The following PPP6R1 variants were observed in gnomAD, a reference collection of about 807,000 sequenced individuals.
PPP6R1 encodes the protein serine/threonine-protein phosphatase 6 regulatory subunit 1.
A neutral mutation model predicts 104.6 loss-of-function variants in PPP6R1; 39 were observed. The observed-to-expected ratio is 0.37, with a 90% confidence interval of 0.29 to 0.49. The LOEUF (loss-of-function observed/expected upper bound fraction) is 0.49, where lower values mean the gene tolerates loss of function less well. Ranked by LOEUF, PPP6R1 falls within the 20% of genes least tolerant of loss-of-function variation. The pLI, the probability that PPP6R1 is intolerant of heterozygous loss-of-function variation, is 0.98. For missense variants in PPP6R1, 1,181 were observed against 1,155.8 expected (o/e 1.02, Z -0.32); for synonymous variants, 549 against 479.0 (o/e 1.15, Z -1.91).
At chr19:55,244,980 C>T (rs2087493606) in intron 5 of PPP6R1, 140 bp downstream of exon 5, 5 of 1,288,960 alleles carry the variant, frequency 3.9e-6, no homozygotes, top group African/African-American at 2.9e-5. Flanking sequence ...TCAAGTAATC[C>T]TCCCACCTCG....
At chr19:55,246,146 G>C (rs1483201503) in intron 2 of PPP6R1, among the ~76,000 whole-genome samples, 2 of 152,204 alleles carry the variant, frequency 1.3e-5, no homozygotes, top group Non-Finnish European at 2.9e-5. Flanking sequence ...TCAAGGCCCT[G>C]AGGGGCCACA....
chr19:55,238,307 G>A (rs770061405), intron 15 of PPP6R1, among the ~76,000 whole-genome samples: 3 of 152,202 alleles, frequency 2.0e-5, no homozygotes, highest in Non-Finnish European at 2.9e-5. Flanking sequence ...GCCAACACAG[G>A]ATATCACGTC....
Position 55,242,490 on chromosome 19 carries a change from TG to T in PPP6R1, c.619-3del, listed in dbSNP as rs1478213059. On this transcript the variant is annotated splice_region_variant and splice_polypyrimidine_tract_variant and intron_variant, in intron 5 of 23. Transcript: ENST00000412770. ...GGACTGGGATGCGTTGGAATGTTGCTGGAACGGGGAGAGACAGGTGAGGATC... is the reference window on the plus strand; with the variant it reads ...GGACTGGGATGCGTTGGAATGTTGCTGAACGGGGAGAGACAGGTGAGGATC... The T allele has an allele frequency of 1.9e-6, 3 of 1,611,610 alleles. No individual in the cohort carries two copies. Among genetic ancestry groups the T allele is most frequent in the Non-Finnish European group, 2.5e-6 (3 of 1,177,898 alleles).
intron 10 of PPP6R1, 47 bp from the exon 11 acceptor site, chr19:55,240,347 A>AGAC (rs201964308): frequency 7.2e-7 from 1 of 1,396,024 alleles, no homozygotes; most frequent in East Asian, 2.4e-5. Context: ...GTCTGCACAC[A>AGAC]TGTGGGGAGC....
chr19:55,255,338 C>T (rs2087584590), intron 1 of PPP6R1, among the ~76,000 whole-genome samples: 1 of 152,174 alleles, frequency 6.6e-6, no homozygotes, highest in Admixed American at 6.5e-5. Flanking sequence ...TTTGAAATAG[C>T]TCTTTGGAAA....
At chr19:55,247,843 C>A (rs147191265) in intron 1 of PPP6R1, among the ~76,000 whole-genome samples, 1 of 152,340 alleles carries the variant, frequency 6.6e-6, no homozygotes, top group East Asian at 1.9e-4. Context: ...AAGGGAGGGG[C>A]TCCCAGAATA....
Position 55,241,698 on chromosome 19 carries a change from G to C in PPP6R1, c.846-59C>G. On this transcript the variant is annotated intron_variant, in intron 7 of 23. Transcript: ENST00000412770. The surrounding 1 kb of genome is among the most constrained non-coding windows in gnomAD (Gnocchi z 5.4). ...CTAGATGGCCTGTGCGCCCACACAG[G>C]AGTAGGCACAAGGACCACGTCTGCA... 6.7e-7 allele frequency: 1 copy of C among 1,482,874 alleles called. No homozygotes were observed. Among genetic ancestry groups the C allele is most frequent in the Non-Finnish European group, 9.0e-7 (1 of 1,112,162 alleles). 91.9% of individuals were successfully genotyped at this position (1,482,874 alleles called of 1,614,324 possible). A position where few individuals can be genotyped will look rare whatever the true frequency, so the allele number is the denominator to read the frequency against.
At chr19:55,246,662 T>C (rs1366673322) in intron 2 of PPP6R1, among the ~76,000 whole-genome samples, 1 of 152,186 alleles carries the variant, frequency 6.6e-6, no homozygotes, top group Non-Finnish European at 1.5e-5. Context: ...CCGTGACCCG[T>C]GACTGTGCCA....
Position 55,231,673 on chromosome 19 carries a change from T to C in PPP6R1, c.2307-5A>G. 1 of 1,598,530 alleles carries C rather than the reference T, an allele frequency of 6.3e-7. No individual in the cohort carries two copies. Among genetic ancestry groups the C allele is most frequent in the Non-Finnish European group, 8.5e-7 (1 of 1,172,154 alleles). On this transcript the variant is annotated splice_polypyrimidine_tract_variant and splice_region_variant and intron_variant, in intron 19 of 23. Transcript: ENST00000412770. ...GGGGGTGTGGGGTCCTGAGACCTGGTAGGCGAGAGAGGCAGCCCAAGGGGG... is the reference window on the plus strand; with the variant it reads ...GGGGGTGTGGGGTCCTGAGACCTGGCAGGCGAGAGAGGCAGCCCAAGGGGG...
chr19:55,230,734 C>A (rs1368066609), intron 22 of PPP6R1, 40 bp downstream of exon 22: 3 of 1,466,624 alleles, frequency 2.0e-6, no homozygotes, highest in Non-Finnish European at 9.2e-7. Context: ...GCCCCACCAG[C>A]CCCACCCCCA....
chr19:55,257,981 C>T (rs80342206), intron 1 of PPP6R1, among the ~76,000 whole-genome samples: 67 of 152,338 alleles, frequency 4.4e-4, no homozygotes, highest in African/African-American at 1.5e-3. Context: ...TCCTCCAGTC[C>T]TGAGCTCCGG....
intron 1 of PPP6R1, among the ~76,000 whole-genome samples, chr19:55,251,962 G>C (rs1278284927): frequency 6.6e-6 from 1 of 151,868 alleles, no homozygotes; most frequent in Non-Finnish European, 1.5e-5. Flanking sequence ...TTTCTCCGTG[G>C]GAGACCAAGC....
intron 1 of PPP6R1, among the ~76,000 whole-genome samples, chr19:55,257,401 T>C (rs1005305399): frequency 2.0e-5 from 3 of 152,210 alleles, no homozygotes; most frequent in African/African-American, 4.8e-5. Flanking sequence ...CGGGTGTCTA[T>C]GGTCATGTCT....
chr19:55,248,788 G>A (rs957519160), intron 1 of PPP6R1, among the ~76,000 whole-genome samples: 2 of 152,182 alleles, frequency 1.3e-5, no homozygotes, highest in Admixed American at 1.3e-4. Flanking sequence ...GAGCAGCCTG[G>A]GCTGACAAAA....
chr19:55,251,867 A>G lies in PPP6R1; in HGVS notation c.-6-4758T>C, dbSNP rs552214048. ...AGAATAATCTCAAGGGGCAACCGCC[A>G]AATTTATCATGACTCTGCCAATTTC... On this transcript the variant is annotated intron_variant, in intron 1 of 23. Transcript: ENST00000412770. 2.4e-4 allele frequency among the ~76,000 whole-genome samples: 37 copies of G among 152,314 alleles called. 2 individuals are homozygous for G. In the East Asian group the frequency reaches 7.2e-3, roughly 29 times the overall value.
chr19:55,246,523 A>G (rs532225959), intron 2 of PPP6R1, among the ~76,000 whole-genome samples: 1 of 152,356 alleles, frequency 6.6e-6, no homozygotes, highest in Admixed American at 6.5e-5. Flanking sequence ...AAGTTTAATA[A>G]AAAGTAAATA....
At chr19:55,228,362 C>T, downstream of PPP6R1, 1 of 1,613,928 alleles carries the variant, frequency 6.2e-7, no homozygotes. Context: ...GACAGCTGGT[C>T]CTCGGGAATC....
chr19:55,238,355 C>G (rs2087417871), intron 15 of PPP6R1, among the ~76,000 whole-genome samples: 2 of 152,238 alleles, frequency 1.3e-5, no homozygotes, highest in African/African-American at 4.8e-5. Context: ...GTGGACTAAG[C>G]CAGGAACAGC....
In PPP6R1 at chr19:55,231,652, G is replaced by T. The variant is rs748001776; in HGVS notation, c.2323C>A (p.Pro775Thr). ...ALQLRSQDPT[P>T]PSAPQEATEG... ...GTGGCTTCCTGAGGTGCTGAGGGGG[G>T]TGTGGGGTCCTGAGACCTGGTAGGC... Residue 775 changes from proline (P) to threonine (T), a missense_variant, in exon 20 of 24, where the codon CCC becomes ACC. Transcript: ENST00000412770. The T allele has an allele frequency of 8.1e-6, 13 of 1,609,770 alleles. No homozygotes were observed. Among genetic ancestry groups the T allele is most frequent in the Middle Eastern group, 3.3e-4 (2 of 6,054 alleles).
Sources: gnomAD v4.1 joint callset for allele counts (sites outside exome capture counted in the v4.1 genomes callset) on GRCh38, gnomAD v4.1.1 for gene constraint, Gnocchi (gnomAD v3.1) non-coding constraint, MANE v1.5 for transcripts, NCBI Gene and HGNC (gene_info 2026-07-23, HGNC 2026-07-21) for gene names.